Variants in DPYD observed in about 807,000 individuals in gnomAD.
The protein encoded by DPYD is dihydropyrimidine dehydrogenase [NADP(+)].
DPYD carries 109 observed loss-of-function variants against 116.2 expected under a neutral mutation model. The observed-to-expected ratio is 0.94, with a 90% CI of 0.80 to 1.10. DPYD has a LOEUF of 1.10. Among genes scored for constraint, DPYD ranks in the 50% least tolerant of loss-of-function variants. The pLI, the probability that DPYD is intolerant of heterozygous loss-of-function variation, is 0.00. For missense variants in DPYD, 1,302 were observed against 1,254.5 expected (o/e 1.04, Z -0.57); for synonymous variants, 440 against 432.0 (o/e 1.02, Z -0.23).
chr1:97,829,507 A>T (rs1429413274), intron 2 of DPYD, among the ~76,000 whole-genome samples: 2 of 152,016 alleles, frequency 1.3e-5, no homozygotes, highest in Non-Finnish European at 2.9e-5. Flanking sequence ...ATCTTCCCAC[A>T]TTTTTAGAAG....
At chr1:97,171,369 A>T (rs569830723) in intron 20 of DPYD, among the ~76,000 whole-genome samples, 1 of 152,308 alleles carries the variant, frequency 6.6e-6, no homozygotes, top group African/African-American at 2.4e-5. Flanking sequence ...AAAGAGGTAA[A>T]ACGTTCAACA....
intron 8 of DPYD, among the ~76,000 whole-genome samples, chr1:97,623,300 G>C (rs2100775705): frequency 6.6e-6 from 1 of 152,190 alleles, no homozygotes; most frequent in Admixed American, 6.6e-5. Context: ...GATTCCTCAT[G>C]AATTTCCCCA....
At chr1:97,880,547 A>G (rs555501996) in intron 2 of DPYD, among the ~76,000 whole-genome samples, 1 of 151,938 alleles carries the variant, frequency 6.6e-6, no homozygotes, top group Non-Finnish European at 1.5e-5. Context: ...TGAGAAATTC[A>G]TGAATGTCAC....
At chr1:97,292,354 G>A (rs78041490) in intron 18 of DPYD, among the ~76,000 whole-genome samples, 1 of 152,122 alleles carries the variant, frequency 6.6e-6, no homozygotes, top group African/African-American at 2.4e-5. Context: ...AATCATGTCA[G>A]AACGGGAAGC....
intron 18 of DPYD, among the ~76,000 whole-genome samples, chr1:97,248,568 G>A (rs1450548831): frequency 1.3e-5 from 2 of 152,158 alleles, no homozygotes; most frequent in Non-Finnish European, 2.9e-5. Flanking sequence ...ATCAATTAAT[G>A]TAATTCACCA....
At chr1:97,586,495 T>C (rs1244226374) in intron 10 of DPYD, among the ~76,000 whole-genome samples, 13 of 121,338 alleles carry the variant, frequency 1.1e-4, no homozygotes, top group Admixed American at 1.6e-4. Flanking sequence ...TATATATATA[T>C]ATATATATAT....
chr1:97,614,971 T>A (rs1261870039), intron 8 of DPYD, among the ~76,000 whole-genome samples: 1 of 152,100 alleles, frequency 6.6e-6, no homozygotes, highest in East Asian at 1.9e-4. Context: ...GCTTTTAAAA[T>A]CCAGGGCAAT....
At chr1:97,525,883 T>TGC (rs1649030585) in intron 12 of DPYD, among the ~76,000 whole-genome samples, 1 of 68,088 alleles carries the variant, frequency 1.5e-5, no homozygotes, top group Non-Finnish European at 3.1e-5. Context: ...TGTGTGTGTG[T>TGC]GTGCGCGCGC....
intron 1 of DPYD, among the ~76,000 whole-genome samples, chr1:97,900,214 A>G (rs980766868): frequency 6.6e-6 from 1 of 151,916 alleles, no homozygotes; most frequent in Non-Finnish European, 1.5e-5. Context: ...GGATATCAGA[A>G]TGGAAAGACA....
chr1:97,748,452 C>CA (rs1294510972), intron 3 of DPYD, among the ~76,000 whole-genome samples: 4 of 151,802 alleles, frequency 2.6e-5, no homozygotes, highest in African/African-American at 9.7e-5. Context: ...ACTAAAAATT[C>CA]AAAAAAATTA....
chr1:97,714,375 G>A (rs1011520531), intron 5 of DPYD, among the ~76,000 whole-genome samples: 1 of 151,852 alleles, frequency 6.6e-6, no homozygotes, highest in African/African-American at 2.4e-5. Flanking sequence ...ACCACAGCTG[G>A]CTAATTTTTT....
At chr1:97,831,797 T>TG (rs1669548397) in intron 2 of DPYD, among the ~76,000 whole-genome samples, 1 of 151,456 alleles carries the variant, frequency 6.6e-6, no homozygotes, top group Admixed American at 6.6e-5. Context: ...AGAACAAAAA[T>TG]AATCAGTGAT....
intron 8 of DPYD, among the ~76,000 whole-genome samples, chr1:97,617,734 A>G (rs1656378245): frequency 6.6e-6 from 1 of 152,188 alleles, no homozygotes; most frequent in Non-Finnish European, 1.5e-5. Context: ...GCTACCAAGC[A>G]AGGTCTGCAC....
intron 11 of DPYD, among the ~76,000 whole-genome samples, chr1:97,553,971 A>G (rs1430649164): frequency 7.6e-6 from 1 of 130,802 alleles, no homozygotes; most frequent in East Asian, 1.9e-4. Context: ...TGCTTTAATT[A>G]CTACTATGTT....
intron 13 of DPYD, among the ~76,000 whole-genome samples, chr1:97,459,175 A>G (rs562204425): frequency 4.6e-5 from 7 of 152,280 alleles, no homozygotes; most frequent in Admixed American, 1.3e-4. Flanking sequence ...AAATAAAAAA[A>G]ATAATATGGA....
intron 6 of DPYD, among the ~76,000 whole-genome samples, chr1:97,694,100 C>G (rs1661171694): frequency 6.6e-6 from 1 of 152,180 alleles, no homozygotes; most frequent in Non-Finnish European, 1.5e-5. Context: ...AGTTCAGCAA[C>G]TCTGCTTAAA....
intron 2 of DPYD, among the ~76,000 whole-genome samples, chr1:97,853,777 C>T (rs998523511): frequency 7.9e-5 from 12 of 152,112 alleles, no homozygotes; most frequent in African/African-American, 2.2e-4. Flanking sequence ...TCTAAGATTG[C>T]GTAGTTAACA....
At position 97,203,802 on chromosome 1, in the gene DPYD, A is replaced by C. The variant is rs1247478445; in HGVS notation, c.2443-10554T>G. 1.1e-4 allele frequency among the ~76,000 whole-genome samples: 13 copies of C among 121,786 alleles called. No homozygotes were observed. In the East Asian group the frequency reaches 2.6e-3, roughly 24 times the overall value. The allele number at this position is 121,786 out of a possible 152,430, so 79.9% of individuals were successfully genotyped here. A position where few individuals can be genotyped will look rare whatever the true frequency, so the allele number is the denominator to read the frequency against. ...GCAGACATTCACATTCCAAAAAAAAAAAAAAAAAAAAAAAAAGAACAACTC... is the reference window on the plus strand; with the variant it reads ...GCAGACATTCACATTCCAAAAAAAACAAAAAAAAAAAAAAAAGAACAACTC... On this transcript the variant is annotated intron_variant, in intron 19 of 22. Coordinates refer to ENST00000370192, the MANE Select transcript of DPYD (RefSeq NM_000110.4).
chr1:97,381,443 T>C (rs1047343241), intron 15 of DPYD, among the ~76,000 whole-genome samples: 1 of 152,226 alleles, frequency 6.6e-6, no homozygotes, highest in Non-Finnish European at 1.5e-5. Flanking sequence ...ATGCCAAGCA[T>C]GGGCTCTGTG....
Sources: allele counts gnomAD v4.1 joint callset (sites outside exome capture counted in the v4.1 genomes callset), GRCh38; gene constraint gnomAD v4.1.1; transcripts MANE v1.5; gene names NCBI Gene and HGNC (gene_info 2026-07-23, HGNC 2026-07-21).